Variants in ABCD3 observed in about 807,000 individuals in gnomAD.
The protein encoded by ABCD3 is ATP-binding cassette sub-family D member 3.
Under a neutral mutation model 105.5 loss-of-function variants are expected in ABCD3, and 41 were observed. The observed-to-expected ratio is 0.39, with a 90% CI of 0.30 to 0.50. The LOEUF is 0.50. Ranked by LOEUF, ABCD3 falls within the 20% of genes least tolerant of loss-of-function variation. The probability of loss-of-function intolerance (pLI) is 0.84; values close to 1 mark genes in which losing one functional copy is unlikely to be tolerated. For synonymous variants in ABCD3, 258 were observed against 269.0 expected, an observed-to-expected ratio of 0.96 and a Z score of 0.40; for missense variants, 622 against 806.3, an observed-to-expected ratio of 0.77 and a Z score of 2.77.
Position 94,483,182 on chromosome 1 carries a change from C to T in ABCD3, c.840C>T (p.Ala280=), listed in dbSNP as rs746601232. 1.1e-5 allele frequency: 18 copies of T among 1,609,842 alleles called. No homozygotes were observed. The highest frequency in any genetic ancestry group is 1.5e-5 in the Non-Finnish European group (18 of 1,176,478). Residue 280 remains alanine (A), a synonymous_variant, in exon 10 of 23, where the codon GCC becomes GCT. Coordinates refer to ENST00000370214, the MANE Select transcript of ABCD3 (RefSeq NM_002858.4). Reference sequence around the variant, plus strand: ...TTTTCTTTAATAGTGAAGAAATTGCCTTTTACAATGGGAATAAAAGAGAAA... The same window carrying T: ...TTTTCTTTAATAGTGAAGAAATTGCTTTTTACAATGGGAATAAAAGAGAAA... ...SRLITNSEEI[A]FYNGNKREKQ...
chr1:94,408,271 A>G, the ABCD3 span, among the ~76,000 whole-genome samples: 1 of 152,156 alleles, frequency 6.6e-6, no homozygotes, highest in Non-Finnish European at 1.5e-5. Flanking sequence ...GGATCAGGGT[A>G]GCAGATTAGG....
intron 2 of ABCD3, among the ~76,000 whole-genome samples, chr1:94,461,825 A>G (rs1344573875): frequency 6.6e-6 from 1 of 152,144 alleles, no homozygotes; most frequent in Admixed American, 6.5e-5. Flanking sequence ...AGTTCCTGAA[A>G]GTAAATTTAC....
intron 4 of ABCD3, among the ~76,000 whole-genome samples, chr1:94,469,335 A>C (rs1353017230): frequency 6.6e-6 from 1 of 152,084 alleles, no homozygotes; most frequent in East Asian, 1.9e-4. Context: ...TGTATAATAA[A>C]AATTATATAA....
the ABCD3 span, among the ~76,000 whole-genome samples, chr1:94,408,429 C>CA: frequency 5.5e-4 from 79 of 143,888 alleles, no homozygotes; most frequent in Admixed American, 1.1e-3. Context: ...CTAAAAAAAT[C>CA]CAAAAAAAAA....
intron 1 of ABCD3, among the ~76,000 whole-genome samples, chr1:94,425,924 T>C (rs965951437): frequency 1.3e-5 from 2 of 152,208 alleles, no homozygotes; most frequent in Admixed American, 6.5e-5. Context: ...GTGACCTTGG[T>C]CAATTTACTT....
intron 1 of ABCD3, among the ~76,000 whole-genome samples, chr1:94,453,522 G>A (rs991136522): frequency 6.6e-6 from 1 of 151,802 alleles, no homozygotes; most frequent in African/African-American, 2.4e-5. Context: ...GTTTCACCTT[G>A]TTAGCCAGGA....
chr1:94,445,448 T>C (rs886754043), intron 1 of ABCD3, among the ~76,000 whole-genome samples: 5 of 152,168 alleles, frequency 3.3e-5, no homozygotes, highest in Non-Finnish European at 7.4e-5. Context: ...CAGGGTAACA[T>C]TGGGACAAGT....
chr1:94,448,867 A>G (rs573886592), intron 1 of ABCD3, among the ~76,000 whole-genome samples: 1 of 152,364 alleles, frequency 6.6e-6, no homozygotes, highest in Non-Finnish European at 1.5e-5. Flanking sequence ...CTGAAACAGC[A>G]GTTGCAAAAG....
At chr1:94,468,258 A>G (rs1648259313) in intron 4 of ABCD3, among the ~76,000 whole-genome samples, 1 of 152,254 alleles carries the variant, frequency 6.6e-6, no homozygotes, top group South Asian at 2.1e-4. Context: ...CTGACAGTTT[A>G]TCAAGAGTTA....
chr1:94,422,857 T>C (rs1659312140), intron 1 of ABCD3, among the ~76,000 whole-genome samples: 1 of 152,232 alleles, frequency 6.6e-6, no homozygotes, highest in Non-Finnish European at 1.5e-5. Context: ...GGTACCAGTC[T>C]GTATAGCCAT....
At chr1:94,456,255 A>ATTTTTTTT (rs71094301) in intron 1 of ABCD3, among the ~76,000 whole-genome samples, 1 of 44,892 alleles carries the variant, frequency 2.2e-5, no homozygotes, top group Non-Finnish European at 4.0e-5. Context: ...AAATGACAGA[A>ATTTTTTTT]TTTTTTTTTT....
chr1:94,411,347 C>A, the ABCD3 span, among the ~76,000 whole-genome samples: 1 of 152,080 alleles, frequency 6.6e-6, no homozygotes, highest in Non-Finnish European at 1.5e-5. Flanking sequence ...CAAAGATATA[C>A]AAATGGCCAA....
the ABCD3 span, among the ~76,000 whole-genome samples, chr1:94,413,378 T>C: frequency 6.6e-6 from 1 of 152,154 alleles, no homozygotes; most frequent in Non-Finnish European, 1.5e-5. Context: ...AAATAAACAC[T>C]ACGGGAGCTC....
At chr1:94,434,883 A>G (rs954855963) in intron 1 of ABCD3, among the ~76,000 whole-genome samples, 13 of 152,152 alleles carry the variant, frequency 8.5e-5, no homozygotes, top group African/African-American at 2.9e-4. Context: ...AGTAATTGCT[A>G]TCCTGACTTC....
At chr1:94,398,735 A>C in the ABCD3 span, among the ~76,000 whole-genome samples, 2 of 152,176 alleles carry the variant, frequency 1.3e-5, no homozygotes, top group Non-Finnish European at 2.9e-5. Flanking sequence ...AATATGGTAA[A>C]ACCCTGTCTC....
chr1:94,458,659 A>G lies in ABCD3; in HGVS notation c.147+16A>G, dbSNP rs1557671497. ...GAACAATGAGGTAAAAGTTTAAATC[A>G]TCTTCTTTTTGGGATTTCATGCATT... On this transcript the variant is annotated intron_variant, in intron 2 of 22. Coordinates refer to ENST00000370214, the MANE Select transcript of ABCD3 (RefSeq NM_002858.4). The G allele has an allele frequency of 2.5e-6, 4 of 1,607,208 alleles. No individual in the cohort carries two copies. The highest frequency in any genetic ancestry group is 1.1e-5 in the South Asian group (1 of 90,302).
At chr1:94,515,053 TGA>T in intron 21 of ABCD3, 91 bp from the exon 22 acceptor site, 8 of 1,009,802 alleles carry the variant, frequency 7.9e-6, no homozygotes, top group Non-Finnish European at 1.2e-5. Flanking sequence ...CTTTAGTCAC[TGA>T]AGACTGTCCT....
chr1:94,481,202 A>G (rs1179215607), intron 9 of ABCD3, among the ~76,000 whole-genome samples: 3 of 152,354 alleles, frequency 2.0e-5, no homozygotes, highest in Non-Finnish European at 2.9e-5. Flanking sequence ...GATAATACAT[A>G]TAAAGCTTCC....
rs1340291684 is a variant in ABCD3 at position 94,478,250 on chromosome 1, A to C, written c.628-9A>C. On this transcript the variant is annotated splice_polypyrimidine_tract_variant and intron_variant, in intron 7 of 22. Transcript: ENST00000370214. The stretch of plus-strand genomic sequence containing the variant: ...TTTAATTCTGTGTATTCTAATATTT[A>C]TTTTACAGCCATTTTTAGACATAGT... The C allele has an allele frequency of 6.5e-7, 1 of 1,541,326 alleles. No homozygotes were observed. Among genetic ancestry groups the C allele is most frequent in the Non-Finnish European group, 9.0e-7 (1 of 1,116,290 alleles).
Sources: gnomAD v4.1 joint callset for allele counts (sites outside exome capture counted in the v4.1 genomes callset) on GRCh38, gnomAD v4.1.1 for gene constraint, MANE v1.5 for transcripts, NCBI Gene and HGNC (gene_info 2026-07-23, HGNC 2026-07-21) for gene names.